CHRNA4: variants seen among roughly 807,000 people sequenced by gnomAD.
The protein encoded by CHRNA4 is cholinergic receptor nicotinic alpha 4 subunit.
A neutral mutation model predicts 48.9 loss-of-function variants in CHRNA4; 28 were observed. That is an observed-to-expected ratio of 0.57 (90% CI 0.42 to 0.79). The LOEUF (loss-of-function observed/expected upper bound fraction) is 0.79, where lower values mean the gene tolerates loss of function less well. CHRNA4 is among the 30% of genes least tolerant of loss of function. CHRNA4 has a pLI of 0.00. For synonymous variants in CHRNA4, 425 were observed against 402.3 expected, an observed-to-expected ratio of 1.06 and a Z score of -0.68; for missense variants, 859 against 898.4, an observed-to-expected ratio of 0.96 and a Z score of 0.56.
In CHRNA4 at chr20:63,345,814, G is replaced by A. The variant is rs1488541775; in HGVS notation, c.*924C>T. ...TGCGCGCCAAGGTGGAAACCCTCAG[G>A]GTCCTGGGGGAACCAGGGCCCAGGT... On this transcript the variant is annotated 3_prime_UTR_variant, in exon 6 of 6. Transcript: ENST00000370263. The surrounding 1 kb of genome is among the most constrained non-coding windows in gnomAD (Gnocchi z 5.4). The A allele has an allele frequency of 4.5e-6, 2 of 445,272 alleles. No homozygotes were observed. Among genetic ancestry groups the A allele is most frequent in the Non-Finnish European group, 9.1e-6 (2 of 220,008 alleles). 27.6% of individuals were successfully genotyped at this position (445,272 alleles called of 1,614,324 possible). A position where few individuals can be genotyped will look rare whatever the true frequency, so the allele number is the denominator to read the frequency against.
At position 63,350,454 on chromosome 20, in the gene CHRNA4, C is replaced by T. The variant is rs761872673; in HGVS notation, c.957G>A (p.Leu319=). The T allele has an allele frequency of 3.1e-6, 5 of 1,613,788 alleles. No individual in the cohort carries two copies. The highest frequency in any genetic ancestry group is 4.2e-6 in the Non-Finnish European group (5 of 1,180,014). ...GCACGAAGACCGTGATGACGATGGA[C>T]AGGGTGACGAAGATCATGGTGAACA... is the stretch of plus-strand genomic sequence containing the variant. ...YLLFTMIFVT[L]SIVITVFVLN... The change falls in exon 5 of 6, where the codon CTG becomes CTA. Residue 319 remains leucine, a synonymous_variant. Coordinates refer to ENST00000370263, the MANE Select transcript of CHRNA4 (RefSeq NM_000744.7).
Position 63,350,137 on chromosome 20 carries a change from G to C in CHRNA4, c.1274C>G (p.Pro425Arg), listed in dbSNP as rs561073516. 1.9e-6 allele frequency: 3 copies of C among 1,569,368 alleles called. No individual in the cohort carries two copies. The South Asian group carries it at 3.5e-5, about 18-fold the overall frequency. ...CTGCTGAGGAGGGAGCTGGTCGGAGGGTGACTTGCAGGAAGGCCCAGGCTC... is the reference window on the plus strand; with the variant it reads ...CTGCTGAGGAGGGAGCTGGTCGGAGCGTGACTTGCAGGAAGGCCCAGGCTC... ...PAEPGPSCKS[P>R]SDQLPPQQPL... Residue 425 changes from proline (P) to arginine (R), a missense_variant, in exon 5 of 6, where the codon CCC becomes CGC. By Grantham distance (103) the Pro-to-Arg change is moderately radical. Around this residue, in one of 3 missense-constraint regions of CHRNA4, gnomAD observed 478 missense variants for 455.4 expected, o/e 1.05. Coordinates refer to ENST00000370263, the MANE Select transcript of CHRNA4 (RefSeq NM_000744.7).
intron 5 of CHRNA4, among the ~76,000 whole-genome samples, chr20:63,347,972 C>G (rs910724895): frequency 6.6e-6 from 1 of 152,254 alleles, no homozygotes; most frequent in Non-Finnish European, 1.5e-5. Context: ...CTGCCCAGGC[C>G]TCGGCTCTGG....
chr20:63,359,903 G>GTGTGTGTGTGTGTGTCGGGCGTGCGC, intron 1 of CHRNA4: 2 of 442,922 alleles, frequency 4.5e-6, no homozygotes, highest in East Asian at 3.8e-5. Flanking sequence ...TGTGCTGTGT[G>GTGTGTGTGTGTGTGTCGGGCGTGCGC]TGTGTGTGTG....
chr20:63,354,697 G>A, intron 4 of CHRNA4: 5 of 984,652 alleles, frequency 5.1e-6, no homozygotes, highest in Non-Finnish European at 6.0e-6. Flanking sequence ...GGAGGGCTGT[G>A]CACAGGCACC....
At position 63,349,572 on chromosome 20, in the gene CHRNA4, G is replaced by A. The variant is rs2123469259; in HGVS notation, c.1758+81C>T. The A allele has an allele frequency of 2.5e-6, 4 of 1,572,768 alleles. No individual in the cohort carries two copies. The East Asian group carries it at 6.7e-5, about 26-fold the overall frequency. The stretch of plus-strand genomic sequence containing the variant: ...AGCCTGAGGCCTGGGCCCGGCTCCT[G>A]GATTACACACCAGGAAGAAAGGGCG... On this transcript the variant is annotated intron_variant, in intron 5 of 5. Coordinates refer to ENST00000370263, the MANE Select transcript of CHRNA4 (RefSeq NM_000744.7).
Position 63,343,331 on chromosome 20 carries a change from G to A in CHRNA4, c.*3407C>T, listed in dbSNP as rs200480371. The A allele has an allele frequency of 6.7e-5, 30 of 450,306 alleles. No homozygotes were observed. Among genetic ancestry groups the A allele is most frequent in the Admixed American group, 1.6e-4 (7 of 42,456 alleles). The allele number at this position is 450,306 out of a possible 1,614,324, so 27.9% of individuals were successfully genotyped here. A position where few individuals can be genotyped will look rare whatever the true frequency, so the allele number is the denominator to read the frequency against. On this transcript the variant is annotated 3_prime_UTR_variant, in exon 6 of 6. Transcript: ENST00000370263. ...CCGGGCGGCCGCACCTGGGCTCGGC[G>A]GGCCACACGGTCGGCGGGGCTTGGT...
Position 63,343,379 on chromosome 20 carries a change from A to G in CHRNA4, c.*3359T>C, listed in dbSNP as rs45508092. ...GGTCCATGGGGCTGGCCGGGCTTGCATCCCCAGGTGCTGTGTGTGCTGCGC... is the reference window on the plus strand; with the variant it reads ...GGTCCATGGGGCTGGCCGGGCTTGCGTCCCCAGGTGCTGTGTGTGCTGCGC... On this transcript the variant is annotated 3_prime_UTR_variant, in exon 6 of 6. Coordinates refer to ENST00000370263, the MANE Select transcript of CHRNA4 (RefSeq NM_000744.7). 0.07 allele frequency: 31,847 copies of G among 454,062 alleles called. 1,867 individuals are homozygous for G. The highest frequency in any genetic ancestry group is 0.18 in the South Asian group (11,660 of 64,480). 28.1% of individuals were successfully genotyped at this position (454,062 alleles called of 1,614,324 possible).
rs1369167310 is a variant in CHRNA4 at position 63,350,489 on chromosome 20, C to T, written c.922G>A (p.Glu308Lys). ...AAGATCATGGTGAACAGCAGGTACT[C>T]GCCGATGAGTGGGATGACCAGTGAG... Reference protein sequence around the residue: ...STSLVIPLIGEYLLFTMIFVT... With the variant: ...STSLVIPLIGKYLLFTMIFVT... Residue 308 changes from glutamate (E) to lysine (K), a missense_variant, in exon 5 of 6, where the codon GAG becomes AAG. Transcript: ENST00000370263. 5 of 1,613,630 alleles carry T rather than the reference C, an allele frequency of 3.1e-6. No individual in the cohort carries two copies. In the South Asian group the frequency reaches 3.3e-5, roughly 11 times the overall value.
intron 2 of CHRNA4, among the ~76,000 whole-genome samples, chr20:63,357,983 G>C (rs2068744297): frequency 6.6e-6 from 1 of 152,240 alleles, no homozygotes; most frequent in South Asian, 2.1e-4. Context: ...TAGGCAGCCA[G>C]GTGGGGGGTG....
rs200035139 is a variant in CHRNA4, at chr20:63,344,851, G to A, written c.*1887C>T. The A allele has an allele frequency of 5.7e-5, 25 of 440,722 alleles. No individual in the cohort carries two copies. The highest frequency in any genetic ancestry group is 2.1e-4 in the East Asian group (3 of 14,336). 27.3% of individuals were successfully genotyped at this position (440,722 alleles called of 1,614,324 possible). A position where few individuals can be genotyped will look rare whatever the true frequency, so the allele number is the denominator to read the frequency against. On this transcript the variant is annotated 3_prime_UTR_variant, in exon 6 of 6. Transcript: ENST00000370263. This position sits in a 1 kb window ranked among gnomAD's most constrained non-coding sequence, Gnocchi z 4.5. Reference sequence around the variant, plus strand: ...GAGCAGCAGGGGCTGATGGCAGAGCGGGGGCAGGTCAGAGCTCAGCAGATG... The same window carrying A: ...GAGCAGCAGGGGCTGATGGCAGAGCAGGGGCAGGTCAGAGCTCAGCAGATG...
chr20:63,359,399 G>A, intron 2 of CHRNA4, 149 bp downstream of exon 2: 1 of 989,502 alleles, frequency 1.0e-6, no homozygotes, highest in Admixed American at 2.0e-5. Flanking sequence ...GGGCAGAGCT[G>A]GTGGCTGTCG....
At position 63,346,341 on chromosome 20, in the gene CHRNA4, C is replaced by T. The variant is rs971257385; in HGVS notation, c.*397G>A. The T allele has an allele frequency of 1.9e-5, 9 of 462,956 alleles. No homozygotes were observed. The highest frequency in any genetic ancestry group is 6.6e-5 in the East Asian group (1 of 15,050). The allele number at this position is 462,956 out of a possible 1,614,324, so 28.7% of individuals were successfully genotyped here. ...GACGGGGCGCTTGGGGCTGAAGGGG[C>T]GTGAACTCCCTTCAAGGGCCCCTTG... On this transcript the variant is annotated 3_prime_UTR_variant, in exon 6 of 6. Transcript: ENST00000370263.
intron 2 of CHRNA4, among the ~76,000 whole-genome samples, chr20:63,357,446 G>A (rs565606140): frequency 6.6e-6 from 1 of 152,358 alleles, no homozygotes; most frequent in Admixed American, 6.5e-5. Context: ...CTGGAGGGCA[G>A]GTCAACACTG....
intron 1 of CHRNA4, chr20:63,359,917 G>GCGC (rs1308301364): frequency 1.9e-5 from 10 of 517,364 alleles, no homozygotes; most frequent in East Asian, 7.0e-5. Context: ...GTGTGTGTGT[G>GCGC]TGTGTGTGTG....
At chr20:63,349,025 C>A (rs369932010) in intron 5 of CHRNA4, among the ~76,000 whole-genome samples, 1 of 152,100 alleles carries the variant, frequency 6.6e-6, no homozygotes, top group South Asian at 2.1e-4. Context: ...GGGCTGGCCC[C>A]GGGCCCCGGG....
rs758984711 is a variant in CHRNA4 at position 63,345,022 on chromosome 20, G to T, written c.*1716C>A. 6.7e-6 allele frequency: 3 copies of T among 447,608 alleles called. No individual in the cohort carries two copies. Among genetic ancestry groups the T allele is most frequent in the South Asian group, 4.7e-5 (3 of 64,282 alleles). The allele number at this position is 447,608 out of a possible 1,614,324, so 27.7% of individuals were successfully genotyped here. ...GTCACAGGCACCCGGGGGTGGGGGT[G>T]ACCAGCAGCAGTTCAGAGGCAGGTG... On this transcript the variant is annotated 3_prime_UTR_variant, in exon 6 of 6. Coordinates refer to ENST00000370263, the MANE Select transcript of CHRNA4 (RefSeq NM_000744.7). This position sits in a 1 kb window ranked among gnomAD's most constrained non-coding sequence, Gnocchi z 5.4.
rs201391859 is a variant in CHRNA4, at chr20:63,349,911, G to A, written c.1500C>T (p.Pro500=). 20 of 1,594,958 alleles carry A rather than the reference G, an allele frequency of 1.3e-5. No homozygotes were observed. The highest frequency in any genetic ancestry group is 1.1e-4 in the South Asian group (10 of 89,342). The part of the protein sequence containing the change: ...QYCVPRDDAA[P]EADGQAAGAL... ...CGCCGGCAGCCTGGCCATCTGCCTC[G>A]GGGGCGGCATCGTCTCGGGGAACAC... Residue 500 remains proline, a synonymous_variant, in exon 5 of 6, where the codon CCC becomes CCT. Transcript: ENST00000370263.
rs777310362 is a variant in CHRNA4 at position 63,346,839 on chromosome 20, C to T, written c.1783G>A (p.Ala595Thr). Residue 595 changes from alanine to threonine, a missense_variant, in exon 6 of 6, where the codon GCC becomes ACC. Ala to Thr is a moderately conservative substitution (Grantham distance 58). Transcript: ENST00000370263. ...AGGAAGATGCGGTCGATGACCATGG[C>T]CACGTACTTCCAGTCCTCCTTCACC... is the stretch of plus-strand genomic sequence containing the variant. ...FSVKEDWKYV[A>T]MVIDRIFLWM... 1.2e-6 allele frequency: 2 copies of T among 1,612,604 alleles called. No individual in the cohort carries two copies. The highest frequency in any genetic ancestry group is 1.7e-4 in the Middle Eastern group (1 of 6,058).
Sources: gnomAD v4.1 joint callset for allele counts (sites outside exome capture counted in the v4.1 genomes callset) on GRCh38, gnomAD v4.1.1 for gene constraint, gnomAD v4.1.1 regional missense constraint, Gnocchi (gnomAD v3.1) non-coding constraint, MANE v1.5 for transcripts, NCBI Gene and HGNC (gene_info 2026-07-23, HGNC 2026-07-21) for gene names.